Variants in ECPAS observed in about 807,000 individuals in gnomAD.
ECPAS encodes Ecm29 proteasome adaptor and scaffold.
Under a neutral mutation model 255.1 loss-of-function variants are expected in ECPAS, and 70 were observed. The ratio of observed to expected loss-of-function variants is 0.27; its 90% CI spans 0.23 to 0.33. The LOEUF (loss-of-function observed/expected upper bound fraction) is 0.33, where lower values mean the gene tolerates loss of function less well. ECPAS is among the 10% of genes least tolerant of loss of function. The pLI, the probability that ECPAS is intolerant of heterozygous loss-of-function variation, is 1.00. For missense variants in ECPAS, 1,817 were observed against 2,206.4 expected (o/e 0.82, Z 3.54); for synonymous variants, 784 against 775.0 (o/e 1.01, Z -0.19).
Position 111,361,594 on chromosome 9 carries a change from C to G in ECPAS, c.*436G>C, listed in dbSNP as rs2098113356. ...TGACTTTGGCACAGGCCTCAGAAAGCCTCTGAGATGACACAGCTTCCTATT... is the reference window on the plus strand; with the variant it reads ...TGACTTTGGCACAGGCCTCAGAAAGGCTCTGAGATGACACAGCTTCCTATT... On this transcript the variant is annotated 3_prime_UTR_variant, in exon 50 of 50. Coordinates refer to ENST00000684092, the MANE Select transcript of ECPAS (RefSeq NM_001364929.1). 1 of 152,824 alleles carries G rather than the reference C, an allele frequency of 6.5e-6. No individual in the cohort carries two copies. The highest frequency in any genetic ancestry group is 1.5e-5 in the Non-Finnish European group (1 of 68,530). The allele number at this position is 152,824 out of a possible 1,614,324, so 9.5% of individuals were successfully genotyped here. A position where few individuals can be genotyped will look rare whatever the true frequency, so the allele number is the denominator to read the frequency against.
chr9:111,371,485 A>C, intron 43 of ECPAS, 136 bp downstream of exon 43: 1 of 840,294 alleles, frequency 1.2e-6, no homozygotes, highest in African/African-American at 1.7e-5. Flanking sequence ...GGTTTACCCA[A>C]AGCTTCCACT....
chr9:111,437,010 G>T lies in ECPAS; in HGVS notation c.638C>A (p.Pro213Gln). 6.2e-7 allele frequency: 1 copy of T among 1,612,904 alleles called. No homozygotes were observed. ...GGGSGIPQPP[P>Q]GMSFYAAKRV... The stretch of plus-strand genomic sequence containing the variant: ...TTTGGCTGCATAAAAGCTCATTCCC[G>T]GAGGAGGCTGTGGGATTCCAGAACC... Residue 213 changes from proline (P) to glutamine (Q), a missense_variant, in exon 7 of 50, where the codon CCG (proline) becomes CAG (glutamine). Pro to Gln is a moderately conservative substitution (Grantham distance 76). This residue lies in a region of ECPAS where 573 missense variants were observed against 716.2 expected (regional missense o/e 0.80). Transcript: ENST00000684092.
chr9:111,390,015 G>A lies in ECPAS; in HGVS notation c.3248C>T (p.Ala1083Val). Residue 1083 changes from alanine (A) to valine (V), a missense_variant, in exon 30 of 50, where the codon GCC (alanine) becomes GTC (valine). Physicochemically the swap from Ala to Val is moderately conservative, Grantham distance 64. Coordinates refer to ENST00000684092, the MANE Select transcript of ECPAS (RefSeq NM_001364929.1). The part of the protein sequence containing the change: ...PDLVYKFMNL[A>V]NHHAMWNSRK... ...AGAGTTCCACATTGCATGATGGTTG[G>A]CTAAATTCATAAATTTATACACCAG... 1.3e-6 allele frequency: 2 copies of A among 1,598,824 alleles called. No individual in the cohort carries two copies. The highest frequency in any genetic ancestry group is 8.6e-7 in the Non-Finnish European group (1 of 1,168,444).
intron 2 of ECPAS, among the ~76,000 whole-genome samples, chr9:111,452,307 G>C (rs944621014): frequency 3.3e-5 from 5 of 152,284 alleles, no homozygotes; most frequent in African/African-American, 9.6e-5. Flanking sequence ...GAATTAGGGA[G>C]TTTTCTAAAG....
Position 111,444,992 on chromosome 9 carries a change from C to CTT in ECPAS, c.154-500_154-499dup, listed in dbSNP as rs373389870. Among the ~76,000 whole-genome samples the CTT allele has an allele frequency of 1.1e-3, 114 of 105,582 alleles. 4 individuals are homozygous for CTT. Among genetic ancestry groups the CTT allele is most frequent in the African/African-American group, 1.8e-3 (43 of 23,776 alleles). 69.3% of individuals were successfully genotyped at this position (105,582 alleles called of 152,430 possible). A position where few individuals can be genotyped will look rare whatever the true frequency, so the allele number is the denominator to read the frequency against. ...TACAGGCGTAAGCCACTGCTCCTGG[C>CTT]TTTTTTTTTTTTTTTTTTTTTGACA... On this transcript the variant is annotated intron_variant, in intron 3 of 49. Transcript: ENST00000684092.
At chr9:111,378,917 G>A (rs1399890811) in intron 35 of ECPAS, among the ~76,000 whole-genome samples, 187 bp from the exon 36 acceptor site, 2 of 152,126 alleles carry the variant, frequency 1.3e-5, no homozygotes, top group African/African-American at 2.4e-5. Flanking sequence ...ATAGAGGTAG[G>A]TAGAATGATA....
chr9:111,455,228 T>C (rs1259668930), intron 2 of ECPAS, among the ~76,000 whole-genome samples: 1 of 152,144 alleles, frequency 6.6e-6, no homozygotes, highest in Non-Finnish European at 1.5e-5. Flanking sequence ...TTCACGCCTG[T>C]AATCCCAGCA....
At chr9:111,388,328 C>A (rs1316231796) in intron 31 of ECPAS, among the ~76,000 whole-genome samples, 1 of 148,578 alleles carries the variant, frequency 6.7e-6, no homozygotes, top group African/African-American at 2.5e-5. Context: ...GTGTCCTGAG[C>A]TCAGACCTAC....
At chr9:111,464,839 AGGAGTAACACAG>A (rs2098277464) in intron 2 of ECPAS, among the ~76,000 whole-genome samples, 1 of 152,184 alleles carries the variant, frequency 6.6e-6, no homozygotes, top group African/African-American at 2.4e-5. Context: ...TGATATGATA[AGGAGTAACACAG>A]GGGGTTTGAA....
rs529044642 is a variant in ECPAS at position 111,403,921 on chromosome 9, A to C, written c.2652+4650T>G. ...ATCATATCAAGTATCTTTTCTGACC[A>C]TAATGGAATAAAACTAGAAATCAGT... is the stretch of plus-strand genomic sequence containing the variant. On this transcript the variant is annotated intron_variant, in intron 24 of 49. Coordinates refer to ENST00000684092, the MANE Select transcript of ECPAS (RefSeq NM_001364929.1). Among the ~76,000 whole-genome samples the C allele has an allele frequency of 4.7e-5, 7 of 150,154 alleles. No homozygotes were observed. The East Asian group carries it at 1.4e-3, about 30-fold the overall frequency.
chr9:111,467,639 G>A (rs532231051), intron 2 of ECPAS, among the ~76,000 whole-genome samples: 19 of 152,166 alleles, frequency 1.2e-4, no homozygotes, highest in Admixed American at 3.9e-4. Flanking sequence ...TAAGACCACC[G>A]CTAACACCAC....
chr9:111,434,067 T>TA (rs1225453441), intron 7 of ECPAS, among the ~76,000 whole-genome samples: 6 of 152,102 alleles, frequency 3.9e-5, no homozygotes, highest in Non-Finnish European at 7.4e-5. Context: ...CCTGAAAAAA[T>TA]AAAGTTTCAT....
In ECPAS at chr9:111,472,964, G is replaced by C. The variant is rs564911111; in HGVS notation, c.-46C>G. 1.6e-6 allele frequency: 2 copies of C among 1,223,660 alleles called. No individual in the cohort carries two copies. The highest frequency in any genetic ancestry group is 1.5e-5 in the South Asian group (1 of 66,160). The allele number at this position is 1,223,660 out of a possible 1,614,324, so 75.8% of individuals were successfully genotyped here. ...AAATCCTCGGGATCACCAATGGTAC[G>C]TTCATCCACTCGTACATATGCAATT... On this transcript the variant is annotated 5_prime_UTR_variant, in exon 2 of 50. Coordinates refer to ENST00000684092, the MANE Select transcript of ECPAS (RefSeq NM_001364929.1).
chr9:111,383,008 C>T (rs1186656563), intron 35 of ECPAS, among the ~76,000 whole-genome samples: 1 of 152,180 alleles, frequency 6.6e-6, no homozygotes, highest in Non-Finnish European at 1.5e-5. Flanking sequence ...GAACAACACG[C>T]TTGACTCAGA....
intron 2 of ECPAS, among the ~76,000 whole-genome samples, chr9:111,463,428 T>C (rs2098275582): frequency 6.6e-6 from 1 of 152,180 alleles, no homozygotes; most frequent in African/African-American, 2.4e-5. Flanking sequence ...CAGTCAAACA[T>C]TCTCTACAGA....
chr9:111,455,222 C>T (rs1049654843), intron 2 of ECPAS, among the ~76,000 whole-genome samples: 1 of 152,180 alleles, frequency 6.6e-6, no homozygotes, highest in Non-Finnish European at 1.5e-5. Flanking sequence ...ACATGGTTCA[C>T]GCCTGTAATC....
chr9:111,477,391 T>C (rs2098297687), intron 1 of ECPAS, among the ~76,000 whole-genome samples: 1 of 152,042 alleles, frequency 6.6e-6, no homozygotes, highest in South Asian at 2.1e-4. Flanking sequence ...GGATTACAGG[T>C]GTGAGGCACC....
At chr9:111,450,209 C>T (rs2098258507) in intron 3 of ECPAS, among the ~76,000 whole-genome samples, 1 of 152,090 alleles carries the variant, frequency 6.6e-6, no homozygotes, top group South Asian at 2.1e-4. Flanking sequence ...ACTGATAAGG[C>T]TAAGAAGTAT....
intron 1 of ECPAS, 91 bp downstream of exon 1, chr9:111,484,025 G>C: frequency 9.6e-7 from 1 of 1,042,328 alleles, no homozygotes; most frequent in Non-Finnish European, 1.1e-6. Flanking sequence ...GCGCGGACTC[G>C]ACACGCGGCG....
Sources: allele counts gnomAD v4.1 joint callset (sites outside exome capture counted in the v4.1 genomes callset), GRCh38; gene constraint gnomAD v4.1.1; regional missense constraint gnomAD v4.1.1; transcripts MANE v1.5; gene names NCBI Gene and HGNC (gene_info 2026-07-23, HGNC 2026-07-21).